Variants in LPA observed in about 807,000 individuals in gnomAD.
The protein encoded by LPA is apolipoprotein(a).
Under a neutral mutation model 197.9 loss-of-function variants are expected in LPA, and 199 were observed. That is an observed-to-expected ratio of 1.01 (90% confidence interval 0.90 to 1.13). The LOEUF (loss-of-function observed/expected upper bound fraction) is 1.13, where lower values mean the gene tolerates loss of function less well. LPA is among the 50% of genes most tolerant of loss of function. LPA has a pLI of 0.00. For synonymous variants in LPA, 715 were observed against 639.5 expected, an observed-to-expected ratio of 1.12 and a Z score of -1.78; for missense variants, 1,853 against 1,785.8, an observed-to-expected ratio of 1.04 and a Z score of -0.68.
chr6:160,611,526 C>A (rs755195697), intron 16 of LPA, 36 bp downstream of exon 16: 5 of 1,606,586 alleles, frequency 3.1e-6, no homozygotes, highest in East Asian at 4.5e-5. Context: ...CTTCAGTTGG[C>A]CCTTTATTCT....
rs1779525698 is a variant in LPA, at chr6:160,611,663, A to G, written c.2502T>C (p.Tyr834=). 6.4e-7 allele frequency: 1 copy of G among 1,562,792 alleles called. No individual in the cohort carries two copies. Among genetic ancestry groups the G allele is most frequent in the African/African-American group, 1.4e-5 (1 of 71,506 alleles). The change falls in exon 16 of 39, where the codon TAT becomes TAC. Residue 834 remains tyrosine, a synonymous_variant. Transcript: ENST00000316300. ...TGACAGTGGTGGAGTATGTGCCTCG[A>G]TAACTCTGTCCATTACCGTGGTAGC... ...QECYHGNGQS[Y]RGTYSTTVTG...
intron 28 of LPA, among the ~76,000 whole-genome samples, chr6:160,564,139 G>A (rs969131267): frequency 2.6e-5 from 4 of 152,180 alleles, no homozygotes; most frequent in African/African-American, 9.7e-5. Flanking sequence ...CCCATTAGTT[G>A]ATGCAGTTTC....
chr6:160,544,654 C>T (rs1229652770), intron 33 of LPA, among the ~76,000 whole-genome samples: 6 of 152,154 alleles, frequency 3.9e-5, no homozygotes, highest in African/African-American at 1.4e-4. Flanking sequence ...ACATGGCAGA[C>T]CCAACCACAA....
intron 1 of LPA, among the ~76,000 whole-genome samples, chr6:160,654,055 ATT>A (rs1198320261): frequency 1.1e-4 from 1 of 9,096 alleles, no homozygotes; most frequent in Middle Eastern, 0.056. Context: ...TATATAATAT[ATT>A]ATATATATTA....
intron 18 of LPA, among the ~76,000 whole-genome samples, chr6:160,602,748 T>C (rs1183874048): frequency 2.6e-5 from 4 of 152,250 alleles, no homozygotes; most frequent in African/African-American, 9.6e-5. Flanking sequence ...ATGGATGATC[T>C]TCAAGGCATT....
At chr6:160,596,688 T>C (rs1369774689) in intron 20 of LPA, among the ~76,000 whole-genome samples, 1 of 152,156 alleles carries the variant, frequency 6.6e-6, no homozygotes, top group Non-Finnish European at 1.5e-5. Context: ...ACTTTTCACG[T>C]AGCAAAGTCC....
intron 1 of LPA, among the ~76,000 whole-genome samples, chr6:160,655,345 T>A (rs1489267182): frequency 6.6e-6 from 1 of 152,184 alleles, no homozygotes; most frequent in Non-Finnish European, 1.5e-5. Context: ...CCAAACAGCA[T>A]CCCTATCTGC....
At chr6:160,576,688 GTGTATATA>G (rs1207703546) in intron 28 of LPA, among the ~76,000 whole-genome samples, 1,110 of 57,904 alleles carry the variant, frequency 0.019, 10 homozygotes, top group African/African-American at 0.055. Flanking sequence ...GTGTGTGTGT[GTGTATATA>G]TATATATATA....
intron 26 of LPA, among the ~76,000 whole-genome samples, chr6:160,579,764 A>C (rs971365019): frequency 1.3e-4 from 20 of 152,194 alleles, no homozygotes; most frequent in African/African-American, 4.6e-4. Flanking sequence ...GACTCTACAC[A>C]TGTGACCTAG....
In LPA at chr6:160,577,240, A is replaced by G. The variant is rs1249179970; in HGVS notation, c.4527T>C (p.Ser1509=). Residue 1509 remains serine (S), a synonymous_variant, in exon 28 of 39, where the codon AGT becomes AGC. Coordinates refer to ENST00000316300, the MANE Select transcript of LPA (RefSeq NM_005577.4). ...CAGTGGTGGAGGATATGCCTCGATA[A>G]CTCCGTCCATCACCATGGTAGCAAT... The part of the protein sequence containing the change: ...VQDCYHGDGR[S]YRGISSTTVT... 2.5e-5 allele frequency: 40 copies of G among 1,613,520 alleles called. No homozygotes were observed. Among genetic ancestry groups the G allele is most frequent in the Non-Finnish European group, 3.3e-5 (39 of 1,179,752 alleles).
chr6:160,541,495 C>T (rs554193186), intron 34 of LPA, among the ~76,000 whole-genome samples: 1 of 152,326 alleles, frequency 6.6e-6, no homozygotes, highest in African/African-American at 2.4e-5. Flanking sequence ...CAGCCCTGGA[C>T]TCTGACAAAA....
intron 16 of LPA, among the ~76,000 whole-genome samples, chr6:160,610,908 G>T (rs1005945671): frequency 6.6e-6 from 1 of 152,244 alleles, no homozygotes; most frequent in East Asian, 1.9e-4. Context: ...GTCTTTGGTT[G>T]TTGATTATGG....
At chr6:160,560,156 A>G (rs1778337482) in intron 28 of LPA, among the ~76,000 whole-genome samples, 1 of 152,202 alleles carries the variant, frequency 6.6e-6, no homozygotes, top group African/African-American at 2.4e-5. Context: ...TCCACAGTGT[A>G]TATGTGCCAC....
At chr6:160,663,443 G>A (rs1780258485) in intron 1 of LPA, among the ~76,000 whole-genome samples, 1 of 152,126 alleles carries the variant, frequency 6.6e-6, no homozygotes, top group Non-Finnish European at 1.5e-5. Context: ...AAATGGGGAT[G>A]ACTATGCTAC....
rs1583563646 is a variant in LPA, at chr6:160,536,415, C to T, written c.5842+1440G>A. 2.6e-5 allele frequency among the ~76,000 whole-genome samples: 4 copies of T among 152,284 alleles called. No homozygotes were observed. In the East Asian group the frequency reaches 7.7e-4, roughly 29 times the overall value. On this transcript the variant is annotated intron_variant, in intron 37 of 38. Coordinates refer to ENST00000316300, the MANE Select transcript of LPA (RefSeq NM_005577.4). Reference sequence around the variant, plus strand: ...TAGTAGGAGCTGCCATGATGGAGTGCTTAGGATGTGCTCAGCACTTGATGC... The same window carrying T: ...TAGTAGGAGCTGCCATGATGGAGTGTTTAGGATGTGCTCAGCACTTGATGC...
chr6:160,578,394 G>T (rs992700565), intron 27 of LPA, 129 bp downstream of exon 27: 7 of 1,152,100 alleles, frequency 6.1e-6, no homozygotes, highest in South Asian at 1.3e-5. Context: ...CAGAGAGGGC[G>T]CTGAGGCTTT....
chr6:160,584,836 C>A (rs1778876585), intron 26 of LPA, among the ~76,000 whole-genome samples: 1 of 152,154 alleles, frequency 6.6e-6, no homozygotes, highest in Non-Finnish European at 1.5e-5. Context: ...ATATATCCTG[C>A]TGCTTCCATC....
chr6:160,591,282 A>C (rs1779024718), intron 22 of LPA, among the ~76,000 whole-genome samples, 181 bp from the exon 23 acceptor site: 2 of 152,238 alleles, frequency 1.3e-5, no homozygotes, highest in Non-Finnish European at 2.9e-5. Context: ...TTTCAAAGAC[A>C]GATTATCATT....
At position 160,585,176 on chromosome 6, in the gene LPA, C is replaced by G. The variant is rs768388318; in HGVS notation, c.4159G>C (p.Asp1387His). 2 of 1,613,580 alleles carry G rather than the reference C, an allele frequency of 1.2e-6. No homozygotes were observed. Among genetic ancestry groups the G allele is most frequent in the Non-Finnish European group, 1.7e-6 (2 of 1,179,778 alleles). ...APTENSTGVQ[D>H]CYRGDGQSYR... ...CTCTGTCCATCACCTCGGTAGCAGT[C>G]CTGGACCCCAGTGCTGTTTTCAGTT... Residue 1387 changes from aspartate (D) to histidine (H), a missense_variant, in exon 26 of 39, where the codon GAC (aspartate) becomes CAC (histidine). By Grantham distance (81) the Asp-to-His change is moderately conservative. Coordinates refer to ENST00000316300, the MANE Select transcript of LPA (RefSeq NM_005577.4).
Sources: allele counts gnomAD v4.1 joint callset (sites outside exome capture counted in the v4.1 genomes callset), GRCh38; gene constraint gnomAD v4.1.1; transcripts MANE v1.5; gene names NCBI Gene and HGNC (gene_info 2026-07-23, HGNC 2026-07-21).